The following ADAMTSL1 variants were observed in gnomAD, a reference collection of about 807,000 sequenced individuals.
The protein encoded by ADAMTSL1 is ADAMTS-like protein 1.
Under a neutral mutation model 201.8 loss-of-function variants are expected in ADAMTSL1, and 126 were observed. The observed-to-expected ratio is 0.62, with a 90% CI of 0.54 to 0.72. The LOEUF is 0.72. Among genes scored for constraint, ADAMTSL1 ranks in the 30% least tolerant of loss-of-function variants. The pLI, the probability that ADAMTSL1 is intolerant of heterozygous loss-of-function variation, is 0.00. For missense variants in ADAMTSL1, 2,679 were observed against 2,277.8 expected (o/e 1.18, Z -3.59); for synonymous variants, 1,121 against 903.4 (o/e 1.24, Z -4.32).
At chr9:18,337,630 A>G (rs1440179145) in intron 2 of ADAMTSL1, among the ~76,000 whole-genome samples, 2 of 152,188 alleles carry the variant, frequency 1.3e-5, no homozygotes, top group African/African-American at 4.8e-5. Flanking sequence ...GACCAAGGAG[A>G]CAAGTTCTAG....
At chr9:18,899,020 G>A (rs529181569) in intron 26 of ADAMTSL1, among the ~76,000 whole-genome samples, 2 of 152,192 alleles carry the variant, frequency 1.3e-5, no homozygotes, top group Admixed American at 6.5e-5. Context: ...TTTGTTTGCA[G>A]ATGATATGAC....
intron 23 of ADAMTSL1, among the ~76,000 whole-genome samples, chr9:18,835,277 A>AT (rs1825244045): frequency 6.6e-6 from 1 of 152,082 alleles, no homozygotes; most frequent in African/African-American, 2.4e-5. Context: ...CTTTGGTAAA[A>AT]TGTCTGCTCA....
At chr9:18,840,220 T>A (rs558038050) in intron 23 of ADAMTSL1, among the ~76,000 whole-genome samples, 1 of 152,104 alleles carries the variant, frequency 6.6e-6, no homozygotes, top group East Asian at 1.9e-4. Context: ...GTATAAGGTG[T>A]AAGGAAGGGA....
At chr9:18,297,614 A>C (rs1833524522) in intron 2 of ADAMTSL1, among the ~76,000 whole-genome samples, 1 of 152,234 alleles carries the variant, frequency 6.6e-6, no homozygotes, top group Non-Finnish European at 1.5e-5. Context: ...TGCATCCCTC[A>C]GGTGAACCTG....
At chr9:17,967,094 A>G (rs1818004736) in intron 1 of ADAMTSL1, among the ~76,000 whole-genome samples, 1 of 152,108 alleles carries the variant, frequency 6.6e-6, no homozygotes, top group Non-Finnish European at 1.5e-5. Context: ...TTCAGAACCT[A>G]TATAATATGG....
chr9:18,351,711 T>A (rs1586947439), intron 2 of ADAMTSL1, among the ~76,000 whole-genome samples: 1 of 152,330 alleles, frequency 6.6e-6, no homozygotes. Context: ...CCTCTTAACC[T>A]GTGGCTCAGT....
intron 4 of ADAMTSL1, among the ~76,000 whole-genome samples, chr9:18,575,021 GC>G (rs1822619373): frequency 6.6e-6 from 1 of 152,122 alleles, no homozygotes; most frequent in African/African-American, 2.4e-5. Context: ...TTGACTATAT[GC>G]TTTTATATTT....
intron 4 of ADAMTSL1, among the ~76,000 whole-genome samples, chr9:18,583,166 C>G (rs897170642): frequency 1.3e-5 from 2 of 152,180 alleles, no homozygotes; most frequent in African/African-American, 4.8e-5. Context: ...AACTTTGGAA[C>G]TGGGTAACAG....
chr9:18,400,189 A>G (rs1298232785), intron 2 of ADAMTSL1, among the ~76,000 whole-genome samples: 1 of 110,654 alleles, frequency 9.0e-6, no homozygotes, highest in Non-Finnish European at 2.0e-5. Flanking sequence ...AATAATAATA[A>G]AAAAGAAATA....
intron 23 of ADAMTSL1, among the ~76,000 whole-genome samples, chr9:18,837,841 G>A (rs1056162112): frequency 3.9e-5 from 6 of 152,082 alleles, no homozygotes; most frequent in Non-Finnish European, 7.4e-5. Flanking sequence ...GCCAACCCCT[G>A]ATCCGGTCCC....
intron 5 of ADAMTSL1, 129 bp from the exon 6 acceptor site, chr9:18,635,814 C>G (rs968525610): frequency 2.9e-6 from 2 of 697,526 alleles, no homozygotes; most frequent in Admixed American, 6.9e-5. Context: ...AAATATTGGC[C>G]TTCACATTTC....
In ADAMTSL1 at chr9:18,275,992, G is replaced by A. The variant is rs576403300; in HGVS notation, c.207+112011G>A. Among the ~76,000 whole-genome samples the A allele has an allele frequency of 8.5e-5, 13 of 152,058 alleles. No individual in the cohort carries two copies. In the East Asian group the frequency reaches 2.1e-3, roughly 25 times the overall value. ...TGCATTTCCACCAGCAATATATGAG[G>A]GTTCTGGTTTCCCTACAAGTGTCTC... On this transcript the variant is annotated intron_variant, in intron 2 of 29. Transcript: ENST00000680146.
intron 2 of ADAMTSL1, among the ~76,000 whole-genome samples, chr9:18,293,861 A>G (rs1055250089): frequency 7.9e-5 from 12 of 152,332 alleles, no homozygotes; most frequent in African/African-American, 2.9e-4. Context: ...TAAATAAGGA[A>G]TATGGTGCTT....
chr9:18,257,071 T>C (rs771396384), intron 2 of ADAMTSL1, among the ~76,000 whole-genome samples: 2 of 152,158 alleles, frequency 1.3e-5, no homozygotes, highest in Non-Finnish European at 2.9e-5. Context: ...ATAAGCTTGA[T>C]TGATGTACAG....
chr9:18,804,017 C>G (rs763003793), intron 20 of ADAMTSL1, among the ~76,000 whole-genome samples: 2 of 152,008 alleles, frequency 1.3e-5, no homozygotes, highest in Non-Finnish European at 2.9e-5. Flanking sequence ...TGCTTCATTG[C>G]CAAATTTAGA....
At position 18,635,969 on chromosome 9, in the gene ADAMTSL1, T is replaced by C. The variant is rs1827086723; in HGVS notation, c.628T>C (p.Tyr210His). Residue 210 changes from tyrosine to histidine, a missense_variant, in exon 6 of 29, where the codon TAT (tyrosine) becomes CAT (histidine). By Grantham distance (83) the Tyr-to-His change is moderately conservative. Transcript: ENST00000380548. ...KSDDTVVAIP[Y>H]GSRHIRLVLK... ...GGATGATACTGTGGTTGCAATTCCC[T>C]ATGGAAGTAGACATATTCGCCTTGT... 1.2e-6 allele frequency: 2 copies of C among 1,602,014 alleles called. No homozygotes were observed. The highest frequency in any genetic ancestry group is 1.7e-6 in the Non-Finnish European group (2 of 1,177,324).
chr9:18,646,047 T>C (rs964150393), intron 7 of ADAMTSL1, among the ~76,000 whole-genome samples: 32 of 152,288 alleles, frequency 2.1e-4, no homozygotes, highest in Admixed American at 3.3e-4. Context: ...CATTTGTTTG[T>C]ATCCTCTTTT....
At chr9:18,838,882 T>TAAA (rs1445359785) in intron 23 of ADAMTSL1, among the ~76,000 whole-genome samples, 2 of 143,054 alleles carry the variant, frequency 1.4e-5, no homozygotes, top group African/African-American at 2.6e-5. Context: ...CTCTTTTTTT[T>TAAA]AAAAAAAAAA....
rs572421147 is a variant in ADAMTSL1 at position 18,246,841 on chromosome 9, A to C, written c.207+82860A>C. Among the ~76,000 whole-genome samples, 289 of 152,318 alleles carry C rather than the reference A, an allele frequency of 1.9e-3. 1 individual carries two copies. The highest frequency in any genetic ancestry group is 6.3e-3 in the African/African-American group (263 of 41,572). Reference sequence around the variant, plus strand: ...CAAAATTAAACAAATACCTTCAGAAAGAATGGGCATTTCAGTAGGCCCAAT... The same window carrying C: ...CAAAATTAAACAAATACCTTCAGAACGAATGGGCATTTCAGTAGGCCCAAT... On this transcript the variant is annotated intron_variant, in intron 2 of 29. Transcript: ENST00000680146.
Sources: allele counts gnomAD v4.1 joint callset (sites outside exome capture counted in the v4.1 genomes callset), GRCh38; gene constraint gnomAD v4.1.1; transcripts MANE v1.5; gene names NCBI Gene and HGNC (gene_info 2026-07-23, HGNC 2026-07-21).